The following IQCM variants were observed in gnomAD, a reference collection of about 807,000 sequenced individuals.
IQCM encodes the protein IQ motif containing M, also known as IQ domain-containing protein M.
A neutral mutation model predicts 57.6 loss-of-function variants in IQCM; 45 were observed. That is an observed-to-expected ratio of 0.78 (90% CI 0.62 to 1.00). IQCM has a LOEUF of 1.00. IQCM is among the 50% of genes least tolerant of loss of function. The probability of loss-of-function intolerance (pLI) is 0.00; values close to 1 mark genes in which losing one functional copy is unlikely to be tolerated. For missense variants in IQCM, 468 were observed against 511.6 expected (o/e 0.91, Z 0.82); for synonymous variants, 148 against 158.9 (o/e 0.93, Z 0.51).
At chr4:149,382,811 T>C (rs1395376899) in intron 13 of IQCM, among the ~76,000 whole-genome samples, 2 of 152,118 alleles carry the variant, frequency 1.3e-5, no homozygotes, top group African/African-American at 4.8e-5. Context: ...CACATTAAAT[T>C]TCAGTGATGC....
At position 149,733,382 on chromosome 4, in the gene IQCM, C is replaced by A. The variant is rs557393534; in HGVS notation, c.247G>T (p.Ala83Ser). The stretch of plus-strand genomic sequence containing the variant: ...TTGGGAAAGCAAATCCTTCTGAGTG[C>A]GGCCCGATGTTCTTGCACCACATCA... ...TRDVVQEHRA[A>S]LRRICFPKEL... Residue 83 changes from alanine to serine, a missense_variant, in exon 5 of 14, where the codon GCA (alanine) becomes TCA (serine). Physicochemically the swap from Ala to Ser is moderately conservative, Grantham distance 99. Coordinates refer to ENST00000636793, the MANE Select transcript of IQCM (RefSeq NM_001363507.2). The A allele has an allele frequency of 1.6e-6, 2 of 1,231,828 alleles. No individual in the cohort carries two copies. Among genetic ancestry groups the A allele is most frequent in the Non-Finnish European group, 2.0e-6 (2 of 987,774 alleles). The allele number at this position is 1,231,828 out of a possible 1,614,324, so 76.3% of individuals were successfully genotyped here. A position where few individuals can be genotyped will look rare whatever the true frequency, so the allele number is the denominator to read the frequency against.
At chr4:149,357,976 G>T (rs1193828766) in intron 13 of IQCM, among the ~76,000 whole-genome samples, 2 of 152,190 alleles carry the variant, frequency 1.3e-5, no homozygotes, top group African/African-American at 4.8e-5. Context: ...AGTTTTGGGA[G>T]AGTGTATGTG....
chr4:149,744,317 T>A (rs1413414629), intron 2 of IQCM, among the ~76,000 whole-genome samples: 1 of 152,218 alleles, frequency 6.6e-6, no homozygotes, highest in African/African-American at 2.4e-5. Flanking sequence ...CCTCAGCAAT[T>A]AACAATCAGA....
intron 12 of IQCM, among the ~76,000 whole-genome samples, chr4:149,500,228 T>C (rs2221365): frequency 0.99 from 151,117 of 152,286 alleles, 74,995 homozygotes; most frequent in East Asian, 1. Context: ...GGGAGAGATC[T>C]CTGCAGAGGA....
At chr4:149,505,736 CT>C (rs1743741591) in intron 12 of IQCM, among the ~76,000 whole-genome samples, 1 of 152,018 alleles carries the variant, frequency 6.6e-6, no homozygotes, top group African/African-American at 2.4e-5. Flanking sequence ...GTTTGTTTTC[CT>C]TTTTTCTTTT....
At chr4:149,789,330 C>A (rs1163728233) in intron 2 of IQCM, among the ~76,000 whole-genome samples, 1 of 152,066 alleles carries the variant, frequency 6.6e-6, no homozygotes, top group Non-Finnish European at 1.5e-5. Context: ...ATTATAAATT[C>A]TATTCTGAGA....
chr4:149,656,105 T>A (rs1444643495), intron 7 of IQCM, among the ~76,000 whole-genome samples: 3 of 152,020 alleles, frequency 2.0e-5, no homozygotes, highest in East Asian at 3.9e-4. Flanking sequence ...ACAGGAAAAC[T>A]AAGGCTGGCC....
intron 4 of IQCM, among the ~76,000 whole-genome samples, 164 bp downstream of exon 4, chr4:149,735,212 T>G (rs1766825364): frequency 6.6e-6 from 1 of 152,218 alleles, no homozygotes. Flanking sequence ...AAATGTCATT[T>G]GAAATCAATT....
At chr4:149,731,689 A>T (rs1426900089) in intron 5 of IQCM, among the ~76,000 whole-genome samples, 2 of 152,164 alleles carry the variant, frequency 1.3e-5, no homozygotes, top group African/African-American at 4.8e-5. Flanking sequence ...AAAGAACACT[A>T]GTCTCAAGGA....
At chr4:149,609,564 G>T (rs1022888283) in intron 8 of IQCM, among the ~76,000 whole-genome samples, 4 of 151,826 alleles carry the variant, frequency 2.6e-5, no homozygotes, top group African/African-American at 9.7e-5. Flanking sequence ...TAACCCCAGG[G>T]ATGCAAAGAT....
At chr4:149,667,564 T>C (rs1827566) in intron 7 of IQCM, among the ~76,000 whole-genome samples, 2,901 of 151,884 alleles carry the variant, frequency 0.019, 87 homozygotes, top group South Asian at 0.14. Context: ...GGAACAAAAC[T>C]GGACAGAGAA....
At chr4:149,751,803 C>A (rs571585567) in intron 2 of IQCM, among the ~76,000 whole-genome samples, 1 of 151,864 alleles carries the variant, frequency 6.6e-6, no homozygotes. Flanking sequence ...AGAATGAGTT[C>A]TCTGAGAAAT....
intron 12 of IQCM, among the ~76,000 whole-genome samples, chr4:149,539,468 T>C (rs1747635159): frequency 6.6e-6 from 1 of 152,150 alleles, no homozygotes; most frequent in Admixed American, 6.6e-5. Flanking sequence ...CTAACATGCT[T>C]ATGGTTGTAC....
chr4:149,683,091 T>C (rs980537557), intron 6 of IQCM, among the ~76,000 whole-genome samples: 9 of 151,236 alleles, frequency 6.0e-5, no homozygotes, highest in Admixed American at 5.3e-4. Flanking sequence ...CACATTGTTA[T>C]TTTGACCCAT....
chr4:149,709,109 T>C (rs1561183971), intron 5 of IQCM, among the ~76,000 whole-genome samples: 1 of 152,088 alleles, frequency 6.6e-6, no homozygotes, highest in Non-Finnish European at 1.5e-5. Context: ...TATTAAGTAG[T>C]TAAAGTTTTA....
intron 7 of IQCM, among the ~76,000 whole-genome samples, chr4:149,647,770 A>G (rs2150127368): frequency 6.6e-6 from 1 of 152,294 alleles, no homozygotes; most frequent in African/African-American, 2.4e-5. Flanking sequence ...TGAACCTAAG[A>G]ATTAATGTCT....
chr4:149,768,853 C>A (rs1204125063), intron 2 of IQCM, among the ~76,000 whole-genome samples: 1 of 151,994 alleles, frequency 6.6e-6, no homozygotes, highest in Non-Finnish European at 1.5e-5. Flanking sequence ...AGCTGACAAA[C>A]TTGAGTTTTT....
chr4:149,529,226 G>A (rs1746490008), intron 12 of IQCM, among the ~76,000 whole-genome samples: 1 of 152,040 alleles, frequency 6.6e-6, no homozygotes, highest in East Asian at 1.9e-4. Context: ...ACAACAGCCA[G>A]CTAATTTTTG....
chr4:149,661,426 T>G (rs1390792151), intron 7 of IQCM, among the ~76,000 whole-genome samples: 1 of 152,148 alleles, frequency 6.6e-6, no homozygotes, highest in South Asian at 2.1e-4. Context: ...TTGTTGTTGT[T>G]GTGTCCTTGT....
Sources: gnomAD v4.1 joint callset for allele counts (sites outside exome capture counted in the v4.1 genomes callset) on GRCh38, gnomAD v4.1.1 for gene constraint, MANE v1.5 for transcripts, NCBI Gene and HGNC (gene_info 2026-07-23, HGNC 2026-07-21) for gene names.